Variants in MASP2 observed in about 807,000 individuals in gnomAD.
The protein encoded by MASP2 is MBL associated serine protease 2, also known as mannan-binding lectin serine protease 2.
In MASP2, 49 loss-of-function variants were observed where a neutral mutation model predicts 57.1. That is an observed-to-expected ratio of 0.86 (90% CI 0.68 to 1.09). The LOEUF is 1.09. Among genes scored for constraint, MASP2 ranks in the 50% least tolerant of loss-of-function variants. The probability of loss-of-function intolerance (pLI) is 0.00; values close to 1 mark genes in which losing one functional copy is unlikely to be tolerated. For missense variants in MASP2, 900 were observed against 874.8 expected, an observed-to-expected ratio of 1.03 and a Z score of -0.36; for synonymous variants, 379 against 340.8, an observed-to-expected ratio of 1.11 and a Z score of -1.24.
At chr1:11,038,247 TCA>T (rs1488903915) in intron 6 of MASP2, among the ~76,000 whole-genome samples, 2 of 152,162 alleles carry the variant, frequency 1.3e-5, no homozygotes, top group Non-Finnish European at 2.9e-5. Context: ...TCTCTGAGTC[TCA>T]GTTTCTTCAT....
intron 7 of MASP2, among the ~76,000 whole-genome samples, chr1:11,036,525 AAAAAAAAAAAAAC>A (rs1557670921): frequency 5.3e-5 from 7 of 131,266 alleles, no homozygotes; most frequent in African/African-American, 2.0e-4. Context: ...AAAAAAAAAA[AAAAAAAAAAAAAC>A]AAAAAAAAAA....
chr1:11,046,335 A>T (rs1039675674), intron 3 of MASP2: 6 of 603,232 alleles, frequency 9.9e-6, no homozygotes, highest in Non-Finnish European at 1.8e-5. Flanking sequence ...ACTTGAGGCG[A>T]TGCTGTCCTC....
At chr1:11,045,633 A>T in intron 3 of MASP2, 94 bp from the exon 4 acceptor site, 2 of 1,381,772 alleles carry the variant, frequency 1.4e-6, no homozygotes, top group Non-Finnish European at 1.9e-6. Context: ...CTCAGAGTGG[A>T]CCTCAGAGGA....
At chr1:11,044,791 C>G in intron 4 of MASP2, 1 of 1,439,666 alleles carries the variant, frequency 6.9e-7, no homozygotes, top group African/African-American at 1.4e-5. Flanking sequence ...AGACACGTGG[C>G]AGCAGGTGGG....
intron 6 of MASP2, among the ~76,000 whole-genome samples, chr1:11,040,957 AG>A (rs982914408): frequency 2.0e-5 from 3 of 146,578 alleles, no homozygotes; most frequent in African/African-American, 7.7e-5. Flanking sequence ...ATAGCTGGAA[AG>A]ATGGATGGAT....
chr1:11,031,438 A>G (rs1054356651), intron 8 of MASP2, among the ~76,000 whole-genome samples: 6 of 146,922 alleles, frequency 4.1e-5, no homozygotes, highest in African/African-American at 1.5e-4. Flanking sequence ...CTGAGGCAGG[A>G]GAATGGCATG....
rs957204899 is a variant in MASP2 at position 11,039,302 on chromosome 1, G to A, written c.890-1491C>T. Among the ~76,000 whole-genome samples, 5 of 152,230 alleles carry A rather than the reference G, an allele frequency of 3.3e-5. No homozygotes were observed. The South Asian group carries it at 1.0e-3, about 32-fold the overall frequency. ...ACATATCCCTAGTAGACATCCATAG[G>A]ATGGAATGATGGGTGGATGGAAGGA... On this transcript the variant is annotated intron_variant, in intron 6 of 10. Transcript: ENST00000400897.
At chr1:11,038,302 C>T (rs1410190959) in intron 6 of MASP2, among the ~76,000 whole-genome samples, 1 of 152,188 alleles carries the variant, frequency 6.6e-6, no homozygotes, top group African/African-American at 2.4e-5. Context: ...TGCCCCAGGG[C>T]TGTTGTGAAG....
intron 4 of MASP2, among the ~76,000 whole-genome samples, chr1:11,044,041 TC>T (rs912682931): frequency 3.3e-5 from 5 of 151,920 alleles, no homozygotes; most frequent in Admixed American, 2.0e-4. Context: ...TCCCCTAAAT[TC>T]CCTTACAGCC....
intron 8 of MASP2, among the ~76,000 whole-genome samples, chr1:11,033,630 G>A (rs1643868170): frequency 6.6e-6 from 1 of 151,628 alleles, no homozygotes; most frequent in South Asian, 2.1e-4. Flanking sequence ...GGGCAACAGA[G>A]TGAGACTCCG....
chr1:11,036,360 C>A (rs975618376), intron 7 of MASP2, among the ~76,000 whole-genome samples: 2 of 149,376 alleles, frequency 1.3e-5, no homozygotes, highest in African/African-American at 4.9e-5. Flanking sequence ...AAAAATTAGC[C>A]GGGCGCGGTG....
intron 10 of MASP2, among the ~76,000 whole-genome samples, chr1:11,028,241 A>G (rs1643773888): frequency 6.6e-6 from 1 of 152,122 alleles, no homozygotes; most frequent in Non-Finnish European, 1.5e-5. Context: ...GATTAGGAAA[A>G]TTAACAGGGC....
chr1:11,030,613 A>T, intron 9 of MASP2, 135 bp downstream of exon 9: 1 of 959,614 alleles, frequency 1.0e-6, no homozygotes, highest in Non-Finnish European at 1.5e-6. Context: ...ATAATATTTC[A>T]CTTAGCGGAT....
At chr1:11,040,629 G>T (rs373980132) in intron 6 of MASP2, among the ~76,000 whole-genome samples, 3 of 151,624 alleles carry the variant, frequency 2.0e-5, no homozygotes, top group Non-Finnish European at 4.4e-5. Flanking sequence ...TGGATGGATG[G>T]GTATATGGAT....
At chr1:11,030,699 G>A in intron 9 of MASP2, 49 bp downstream of exon 9, 1 of 1,536,852 alleles carries the variant, frequency 6.5e-7, no homozygotes, top group Non-Finnish European at 8.7e-7. Flanking sequence ...GACCATGGGG[G>A]CTCAAGTTCC....
rs150001045 is a variant in MASP2 at position 11,034,581 on chromosome 1, C to T, written c.1087+247G>A. On this transcript the variant is annotated intron_variant, in intron 8 of 10. Transcript: ENST00000400897. The stretch of plus-strand genomic sequence containing the variant: ...GGCGTGGTGTCAGGTGCCTGTGGTC[C>T]CAGCTACTCAGGAGGCTGAGGCAGG... Among the ~76,000 whole-genome samples the T allele has an allele frequency of 5.8e-3, 876 of 151,490 alleles. 6 individuals carry two copies. Among genetic ancestry groups the T allele is most frequent in the Non-Finnish European group, 9.5e-3 (645 of 67,912 alleles).
At chr1:11,043,747 G>C (rs1173204787) in intron 4 of MASP2, among the ~76,000 whole-genome samples, 1 of 152,120 alleles carries the variant, frequency 6.6e-6, no homozygotes, top group African/African-American at 2.4e-5. Context: ...GGGCCGCTTA[G>C]AGAGGGGGTT....
chr1:11,038,399 G>A (rs567916625), intron 6 of MASP2, among the ~76,000 whole-genome samples: 111 of 152,220 alleles, frequency 7.3e-4, no homozygotes, highest in Admixed American at 1.8e-3. Context: ...TATGGCATGG[G>A]GAGAAAAACC....
chr1:11,032,656 C>A (rs1643863208), intron 8 of MASP2, among the ~76,000 whole-genome samples: 1 of 143,890 alleles, frequency 6.9e-6, no homozygotes, highest in Admixed American at 7.0e-5. Context: ...CGCCTGTAAT[C>A]CCAACACTTT....
Sources: allele counts gnomAD v4.1 joint callset (sites outside exome capture counted in the v4.1 genomes callset), GRCh38; gene constraint gnomAD v4.1.1; transcripts MANE v1.5; gene names NCBI Gene and HGNC (gene_info 2026-07-23, HGNC 2026-07-21).